Variants in CSTF3 observed in about 807,000 individuals in gnomAD.
CSTF3 encodes cleavage stimulation factor subunit 3.
CSTF3 carries 29 observed loss-of-function variants against 105.8 expected under a neutral mutation model. That is an observed-to-expected ratio of 0.27 (90% CI 0.20 to 0.37). CSTF3 has a LOEUF of 0.37. Among genes scored for constraint, CSTF3 ranks in the 10% least tolerant of loss-of-function variants. The probability of loss-of-function intolerance (pLI) is 1.00; values close to 1 mark genes in which losing one functional copy is unlikely to be tolerated. For synonymous variants in CSTF3, 252 were observed against 281.9 expected (o/e 0.89, Z 1.06); for missense variants, 357 against 879.3 (o/e 0.41, Z 7.51).
Position 33,096,285 on chromosome 11 carries a change from T to C in CSTF3, c.1375+21A>G, listed in dbSNP as rs779348199. ...ATGGTTTAATATTAAGTAATCATTA[T>C]AGATTCTAGAATCAACCTACCATTG... On this transcript the variant is annotated intron_variant, in intron 15 of 20. Coordinates refer to ENST00000323959, the MANE Select transcript of CSTF3 (RefSeq NM_001326.3). 6 of 1,393,218 alleles carry C rather than the reference T, an allele frequency of 4.3e-6. 1 individual carries two copies. The South Asian group carries it at 6.5e-5, about 15-fold the overall frequency. 86.3% of individuals were successfully genotyped at this position (1,393,218 alleles called of 1,614,324 possible).
chr11:33,116,843 T>TG (rs1200059249), intron 3 of CSTF3, among the ~76,000 whole-genome samples: 4 of 151,372 alleles, frequency 2.6e-5, no homozygotes, highest in African/African-American at 9.7e-5. Flanking sequence ...CATCCTTAAG[T>TG]GGGGTAATAC....
intron 5 of CSTF3, 39 bp from the exon 6 acceptor site, chr11:33,106,103 T>G: frequency 6.5e-7 from 1 of 1,540,538 alleles, no homozygotes; most frequent in Non-Finnish European, 9.0e-7. Context: ...TAAATTTTTT[T>G]GTTATTAAAA....
intron 3 of CSTF3, among the ~76,000 whole-genome samples, chr11:33,133,413 C>T (rs1038378702): frequency 6.6e-6 from 1 of 152,184 alleles, no homozygotes; most frequent in Non-Finnish European, 1.5e-5. Flanking sequence ...TGGTCAACAC[C>T]TGAACCACAT....
At chr11:33,141,534 C>T (rs1855710364) in intron 3 of CSTF3, 133 bp downstream of exon 3, 1 of 1,383,844 alleles carries the variant, frequency 7.2e-7, no homozygotes, top group South Asian at 2.0e-5. Context: ...CTCCTTTATA[C>T]CTATTTTACA....
chr11:33,112,100 A>G (rs773473063), intron 3 of CSTF3, among the ~76,000 whole-genome samples: 8 of 152,104 alleles, frequency 5.3e-5, no homozygotes, highest in Non-Finnish European at 8.8e-5. Flanking sequence ...CTAAAAATAC[A>G]AAAATTAGCT....
chr11:33,129,958 G>A lies in CSTF3; in HGVS notation c.225+11709C>T, dbSNP rs192854639. 7.2e-5 allele frequency among the ~76,000 whole-genome samples: 11 copies of A among 152,302 alleles called. 1 individual carries two copies. The highest frequency in any genetic ancestry group is 6.5e-4 in the Admixed American group (10 of 15,302). Reference sequence around the variant, plus strand: ...AGATACTTGAGTTTTCAGTGGCATAGACTGGAGATGTGCTCAAAAAGTTTA... The same window carrying A: ...AGATACTTGAGTTTTCAGTGGCATAAACTGGAGATGTGCTCAAAAAGTTTA... On this transcript the variant is annotated intron_variant, in intron 3 of 20. Coordinates refer to ENST00000323959, the MANE Select transcript of CSTF3 (RefSeq NM_001326.3).
chr11:33,107,004 T>A (rs997523857), intron 5 of CSTF3, among the ~76,000 whole-genome samples: 1 of 151,586 alleles, frequency 6.6e-6, no homozygotes, highest in East Asian at 1.9e-4. Flanking sequence ...GGTGTGGTGG[T>A]TTATGCCTGT....
intron 3 of CSTF3, among the ~76,000 whole-genome samples, chr11:33,117,902 T>A (rs1485939059): frequency 3.3e-5 from 5 of 151,850 alleles, no homozygotes; most frequent in Admixed American, 6.6e-5. Context: ...ATATACTGAG[T>A]AGGAAGAAAT....
chr11:33,106,470 T>G (rs1284948651), intron 5 of CSTF3, among the ~76,000 whole-genome samples: 2 of 152,218 alleles, frequency 1.3e-5, no homozygotes, highest in African/African-American at 4.8e-5. Context: ...GGTTCATTCC[T>G]GGAATCCCAA....
At chr11:33,117,864 T>C (rs1417031744) in intron 3 of CSTF3, among the ~76,000 whole-genome samples, 2 of 151,886 alleles carry the variant, frequency 1.3e-5, no homozygotes, top group Non-Finnish European at 2.9e-5. Context: ...ATATCCATAG[T>C]ACATTTAAGA....
intron 3 of CSTF3, among the ~76,000 whole-genome samples, chr11:33,125,961 G>A (rs1034574405): frequency 1.3e-5 from 2 of 152,110 alleles, no homozygotes; most frequent in African/African-American, 4.8e-5. Flanking sequence ...AGCCTTAGCT[G>A]TTTTCAGTGA....
At chr11:33,106,969 T>G (rs1367494981) in intron 5 of CSTF3, among the ~76,000 whole-genome samples, 1 of 152,006 alleles carries the variant, frequency 6.6e-6, no homozygotes, top group Non-Finnish European at 1.5e-5. Flanking sequence ...AACTTCCACT[T>G]CAATATAAGA....
intron 1 of CSTF3, 26 bp from the exon 2 acceptor site, chr11:33,142,012 TA>T: frequency 6.2e-7 from 1 of 1,613,202 alleles, no homozygotes; most frequent in Non-Finnish European, 8.5e-7. Flanking sequence ...AACAGTGAAC[TA>T]AAGTTACTGT....
chr11:33,086,883 T>C (rs1716935246), intron 18 of CSTF3, 105 bp downstream of exon 18: 14 of 1,265,082 alleles, frequency 1.1e-5, no homozygotes, highest in Non-Finnish European at 1.6e-5. Context: ...CTAAGTCTAA[T>C]AATTAACCCA....
chr11:33,147,645 G>A (rs1011736808), intron 1 of CSTF3, among the ~76,000 whole-genome samples: 1 of 151,700 alleles, frequency 6.6e-6, no homozygotes, highest in Non-Finnish European at 1.5e-5. Flanking sequence ...AAATGATAAC[G>A]ATTAACTAAG....
intron 1 of CSTF3, among the ~76,000 whole-genome samples, chr11:33,143,761 C>T (rs1347369454): frequency 6.7e-6 from 1 of 150,006 alleles, no homozygotes; most frequent in African/African-American, 2.5e-5. Context: ...GAGGCTGAGA[C>T]AGGCAGATTA....
chr11:33,146,005 G>A (rs1855777656), intron 1 of CSTF3, among the ~76,000 whole-genome samples: 1 of 152,124 alleles, frequency 6.6e-6, no homozygotes, highest in African/African-American at 2.4e-5. Context: ...GGGAGGCTGA[G>A]GCGAGTGGAT....
intron 17 of CSTF3, among the ~76,000 whole-genome samples, chr11:33,089,865 GATGAT>G (rs1336163479): frequency 6.6e-6 from 1 of 152,212 alleles, no homozygotes; most frequent in Non-Finnish European, 1.5e-5. Flanking sequence ...AAGATTAAGA[GATGAT>G]ATAACAGTGG....
In CSTF3 at chr11:33,147,224, G is replaced by A. The variant is rs145819397; in HGVS notation, c.28-5238C>T. ...AGGCAGGAAGATCTCTTGAGCCCAGGAGTTCAAGGTTGCAGTGAGCTAAGG... is the reference window on the plus strand; with the variant it reads ...AGGCAGGAAGATCTCTTGAGCCCAGAAGTTCAAGGTTGCAGTGAGCTAAGG... On this transcript the variant is annotated intron_variant, in intron 1 of 20. Transcript: ENST00000323959. 8.9e-3 allele frequency among the ~76,000 whole-genome samples: 1,360 copies of A among 152,198 alleles called. 5 individuals carry two copies. Among genetic ancestry groups the A allele is most frequent in the Non-Finnish European group, 0.013 (883 of 68,006 alleles).
Sources: gnomAD v4.1 joint callset for allele counts (sites outside exome capture counted in the v4.1 genomes callset) on GRCh38, gnomAD v4.1.1 for gene constraint, MANE v1.5 for transcripts, NCBI Gene and HGNC (gene_info 2026-07-23, HGNC 2026-07-21) for gene names.